Variants in GNB1L observed in about 807,000 individuals in gnomAD.
GNB1L encodes G protein subunit beta 1 like, also known as guanine nucleotide-binding protein subunit beta-like protein 1.
A neutral mutation model predicts 29.1 loss-of-function variants in GNB1L; 20 were observed. The ratio of observed to expected loss-of-function variants is 0.69; its 90% CI spans 0.48 to 1.00. GNB1L has a LOEUF of 1.00. GNB1L is among the 50% of genes least tolerant of loss of function. The pLI, the probability that GNB1L is intolerant of heterozygous loss-of-function variation, is 0.00. For synonymous variants in GNB1L, 193 were observed against 206.5 expected (o/e 0.93, Z 0.56); for missense variants, 421 against 464.9 (o/e 0.91, Z 0.87).
At chr22:19,800,022 C>T (rs1426790889) in intron 7 of GNB1L, among the ~76,000 whole-genome samples, 1 of 152,260 alleles carries the variant, frequency 6.6e-6, no homozygotes, top group Non-Finnish European at 1.5e-5. Flanking sequence ...GCCTCTCCTT[C>T]GATGTGCACC....
chr22:19,813,953 G>A (rs1304637615), intron 4 of GNB1L, among the ~76,000 whole-genome samples: 2 of 152,134 alleles, frequency 1.3e-5, no homozygotes, highest in East Asian at 3.9e-4. Context: ...CCATGATCGA[G>A]TGACTGTGCT....
intron 7 of GNB1L, among the ~76,000 whole-genome samples, chr22:19,797,869 C>T (rs1022708785): frequency 9.9e-5 from 15 of 152,146 alleles, no homozygotes; most frequent in Admixed American, 5.2e-4. Flanking sequence ...CCTCCCACCG[C>T]GCACTGTAAC....
intron 2 of GNB1L, among the ~76,000 whole-genome samples, chr22:19,830,073 G>A (rs1569050500): frequency 2.0e-5 from 3 of 152,094 alleles, no homozygotes; most frequent in Admixed American, 1.3e-4. Context: ...AGTGGTACAC[G>A]CCTGTAGTCC....
At chr22:19,797,844 T>C (rs1037928131) in intron 7 of GNB1L, among the ~76,000 whole-genome samples, 7 of 152,076 alleles carry the variant, frequency 4.6e-5, no homozygotes, top group Admixed American at 3.9e-4. Flanking sequence ...CCCTGACCCC[T>C]CTCATGGCCC....
intron 2 of GNB1L, chr22:19,850,299 C>A: frequency 1.0e-6 from 1 of 982,670 alleles, no homozygotes; most frequent in Non-Finnish European, 1.2e-6. Flanking sequence ...CTGACTAAGA[C>A]AGAGCCCCTG....
At chr22:19,842,063 C>T (rs1000726133) in intron 2 of GNB1L, among the ~76,000 whole-genome samples, 1 of 152,214 alleles carries the variant, frequency 6.6e-6, no homozygotes, top group Non-Finnish European at 1.5e-5. Context: ...CCAGGCTACA[C>T]CTGGAACCAG....
chr22:19,846,276 G>A, intron 2 of GNB1L: 1 of 275,386 alleles, frequency 3.6e-6, no homozygotes, highest in Non-Finnish European at 5.5e-6. Flanking sequence ...ACTTACAGGT[G>A]GACTCAAGGT....
At chr22:19,854,211 C>A (rs1050758239) in intron 2 of GNB1L, among the ~76,000 whole-genome samples, 1 of 152,226 alleles carries the variant, frequency 6.6e-6, no homozygotes, top group Non-Finnish European at 1.5e-5. Context: ...CAGCACTATC[C>A]TAAAGGGGCA....
chr22:19,807,615 T>C (rs535172072), intron 5 of GNB1L, among the ~76,000 whole-genome samples: 5 of 152,150 alleles, frequency 3.3e-5, no homozygotes, highest in Non-Finnish European at 5.9e-5. Flanking sequence ...ACAGCAATAA[T>C]ATCAATGCAC....
intron 2 of GNB1L, chr22:19,850,192 G>A (rs1191373007): frequency 1.0e-6 from 1 of 985,560 alleles, no homozygotes; most frequent in African/African-American, 1.7e-5. Flanking sequence ...CTGACAGAAT[G>A]GGAAACAAAG....
chr22:19,820,517 G>C, intron 4 of GNB1L, 81 bp downstream of exon 4: 4 of 1,466,032 alleles, frequency 2.7e-6, no homozygotes, highest in Non-Finnish European at 3.7e-6. Flanking sequence ...CTGCCCCTCA[G>C]TGGGGGACAC....
At chr22:19,820,921 C>T (rs941773209) in intron 3 of GNB1L, among the ~76,000 whole-genome samples, 198 bp from the exon 4 acceptor site, 1 of 152,232 alleles carries the variant, frequency 6.6e-6, no homozygotes, top group Non-Finnish European at 1.5e-5. Context: ...CCGGGGGACC[C>T]TCAGGAGCCT....
At chr22:19,810,453 G>A (rs1297610596) in intron 5 of GNB1L, among the ~76,000 whole-genome samples, 1 of 152,160 alleles carries the variant, frequency 6.6e-6, no homozygotes, top group Non-Finnish European at 1.5e-5. Context: ...GCTGCAGGAG[G>A]GAGCGGGGGT....
Position 19,788,361 on chromosome 22 carries a change from T to G in GNB1L, c.*348A>C. 1.7e-6 allele frequency: 1 copy of G among 577,186 alleles called. No homozygotes were observed. The highest frequency in any genetic ancestry group is 2.1e-5 in the South Asian group (1 of 46,588). The allele number at this position is 577,186 out of a possible 1,614,324, so 35.8% of individuals were successfully genotyped here. On this transcript the variant is annotated 3_prime_UTR_variant, in exon 8 of 8. Coordinates refer to ENST00000329517, the MANE Select transcript of GNB1L (RefSeq NM_053004.3). Reference sequence around the variant, plus strand: ...CCTGGTGGGGGTCTGAGGGCACTGATGCTAAGTGGGGGACCAGGGCCTCCT... The same window carrying G: ...CCTGGTGGGGGTCTGAGGGCACTGAGGCTAAGTGGGGGACCAGGGCCTCCT...
chr22:19,832,958 A>T (rs1200067611), intron 2 of GNB1L, among the ~76,000 whole-genome samples: 9 of 152,354 alleles, frequency 5.9e-5, no homozygotes, highest in Admixed American at 4.6e-4. Flanking sequence ...CAGCATGTCA[A>T]AAGCTCTGAA....
chr22:19,829,829 G>A (rs1271447997), intron 2 of GNB1L, among the ~76,000 whole-genome samples: 1 of 151,930 alleles, frequency 6.6e-6, no homozygotes, highest in African/African-American at 2.4e-5. Context: ...AGACATTGAT[G>A]CATTTCTTAG....
At chr22:19,820,859 A>ATT in intron 3 of GNB1L, 136 bp from the exon 4 acceptor site, 2 of 1,045,888 alleles carry the variant, frequency 1.9e-6, no homozygotes, top group Non-Finnish European at 1.4e-6. Context: ...TCTAAATATG[A>ATT]ACTAAGGGCC....
At chr22:19,806,130 C>G (rs755734587) in intron 6 of GNB1L, among the ~76,000 whole-genome samples, 17 of 152,210 alleles carry the variant, frequency 1.1e-4, no homozygotes, top group Non-Finnish European at 1.5e-5. Flanking sequence ...CCACAAAGAA[C>G]AGTTGAGAAG....
intron 6 of GNB1L, 151 bp from the exon 7 acceptor site, chr22:19,802,367 C>A: frequency 1.5e-6 from 1 of 650,166 alleles, no homozygotes; most frequent in Non-Finnish European, 2.7e-6. Context: ...AGAAGCTCTG[C>A]ACCGCCAGTG....
Sources: allele counts gnomAD v4.1 joint callset (sites outside exome capture counted in the v4.1 genomes callset), GRCh38; gene constraint gnomAD v4.1.1; transcripts MANE v1.5; gene names NCBI Gene and HGNC (gene_info 2026-07-23, HGNC 2026-07-21).